The following FMN1 variants were observed in gnomAD, a reference collection of about 807,000 sequenced individuals.
The protein encoded by FMN1 is formin 1.
Under a neutral mutation model 132.4 loss-of-function variants are expected in FMN1, and 110 were observed. The ratio of observed to expected loss-of-function variants is 0.83; its 90% CI spans 0.71 to 0.97. FMN1 has a LOEUF of 0.97. Ranked by LOEUF, FMN1 falls within the 50% of genes least tolerant of loss-of-function variation. The pLI, the probability that FMN1 is intolerant of heterozygous loss-of-function variation, is 0.00. For missense variants in FMN1, 1,792 were observed against 1,705.3 expected, an observed-to-expected ratio of 1.05 and a Z score of -0.90; for synonymous variants, 722 against 651.7, an observed-to-expected ratio of 1.11 and a Z score of -1.64.
At chr15:33,106,991 C>T (rs1349221380) in intron 4 of FMN1, among the ~76,000 whole-genome samples, 1 of 152,056 alleles carries the variant, frequency 6.6e-6, no homozygotes, top group African/African-American at 2.4e-5. Flanking sequence ...CGCCCTATCT[C>T]ATACAGGCAC....
chr15:33,168,077 A>G (rs1011327111), intron 3 of FMN1, among the ~76,000 whole-genome samples: 1 of 152,190 alleles, frequency 6.6e-6, no homozygotes, highest in African/African-American at 2.4e-5. Flanking sequence ...GGTACTAATA[A>G]TTCTTCCATT....
chr15:32,908,693 C>T, intron 11 of FMN1, 115 bp from the exon 12 acceptor site: 1 of 638,962 alleles, frequency 1.6e-6, no homozygotes, highest in Non-Finnish European at 2.7e-6. Context: ...CTAGCAGCAT[C>T]AACAACATCA....
In FMN1 at chr15:33,065,064, C is replaced by G; in HGVS notation, c.2054G>C (p.Ser685Thr). The change falls in exon 6 of 21, where the codon AGC (serine) becomes ACC (threonine). Residue 685 changes from serine to threonine, a missense_variant. Transcript: ENST00000616417. ...AGTCCTGTCATCCTGCTCAGTCAGG[C>G]TGTGGTCAGGCTGTTGAAAGAGCAG... ...ELYLDLHPDHSLTEQDDRTPG... is the reference protein window; with the variant it reads ...ELYLDLHPDHTLTEQDDRTPG... 1 of 1,607,278 alleles carries G rather than the reference C, an allele frequency of 6.2e-7. No individual in the cohort carries two copies. The highest frequency in any genetic ancestry group is 8.5e-7 in the Non-Finnish European group (1 of 1,176,542).
intron 17 of FMN1, among the ~76,000 whole-genome samples, chr15:32,813,954 T>C (rs1258798): frequency 0.95 from 145,247 of 152,294 alleles, 69,396 homozygotes; most frequent in East Asian, 1. Flanking sequence ...GGTGGTATTT[T>C]GAAGCTGCAC....
chr15:33,067,522 C>T, intron 5 of FMN1: 1 of 1,613,948 alleles, frequency 6.2e-7, no homozygotes, highest in East Asian at 2.2e-5. Context: ...ACAGTGGAAG[C>T]AGCTCTTGAG....
At chr15:32,842,476 G>T (rs1041537311) in intron 17 of FMN1, among the ~76,000 whole-genome samples, 2 of 152,218 alleles carry the variant, frequency 1.3e-5, no homozygotes, top group African/African-American at 4.8e-5. Flanking sequence ...GTTTTGAGAT[G>T]GTTGGTTATG....
chr15:33,065,256 G>C (rs1021883079), intron 5 of FMN1, among the ~76,000 whole-genome samples, 182 bp from the exon 6 acceptor site: 6 of 151,986 alleles, frequency 3.9e-5, no homozygotes, highest in African/African-American at 1.5e-4. Context: ...AACGTGATCA[G>C]TTGAGGTGAA....
intron 6 of FMN1, among the ~76,000 whole-genome samples, chr15:33,032,393 T>C (rs1210867523): frequency 6.6e-6 from 1 of 152,230 alleles, no homozygotes; most frequent in Non-Finnish European, 1.5e-5. Context: ...AAACATTGAA[T>C]TTCTTAAATA....
chr15:33,126,198 A>T (rs1396235883), intron 4 of FMN1, among the ~76,000 whole-genome samples: 1 of 151,480 alleles, frequency 6.6e-6, no homozygotes, highest in African/African-American at 2.5e-5. Context: ...ATGGTGTGTT[A>T]TTAAGCACCA....
intron 4 of FMN1, among the ~76,000 whole-genome samples, chr15:33,141,994 T>C (rs1390904225): frequency 3.9e-5 from 6 of 152,156 alleles, no homozygotes; most frequent in Non-Finnish European, 8.8e-5. Flanking sequence ...GACATTGTGA[T>C]ACATGGGCTA....
intron 10 of FMN1, among the ~76,000 whole-genome samples, chr15:32,919,845 AATT>A (rs1465757004): frequency 6.6e-6 from 1 of 152,206 alleles, no homozygotes; most frequent in African/African-American, 2.4e-5. Flanking sequence ...GATTTCTGGC[AATT>A]ATTAAGGCAA....
chr15:32,875,685 C>G (rs181408244), intron 16 of FMN1, among the ~76,000 whole-genome samples: 1 of 152,338 alleles, frequency 6.6e-6, no homozygotes, highest in East Asian at 1.9e-4. Flanking sequence ...CTAAGGAGGT[C>G]TCCCTCTAAC....
intron 16 of FMN1, among the ~76,000 whole-genome samples, chr15:32,873,859 G>A (rs1193453651): frequency 6.6e-6 from 1 of 152,026 alleles, no homozygotes; most frequent in Non-Finnish European, 1.5e-5. Flanking sequence ...GGAGCGCAAG[G>A]AATTTGTCTC....
intron 6 of FMN1, among the ~76,000 whole-genome samples, chr15:33,033,669 GTTTT>G: frequency 1.7e-5 from 1 of 57,458 alleles, no homozygotes; most frequent in South Asian, 5.7e-4. Flanking sequence ...CTACCTCATG[GTTTT>G]TTTTTTTTGT....
intron 4 of FMN1, among the ~76,000 whole-genome samples, chr15:33,119,373 G>GGTAAA (rs1351309079): frequency 2.6e-5 from 4 of 152,278 alleles, no homozygotes; most frequent in African/African-American, 9.6e-5. Flanking sequence ...GGGAGCCTGT[G>GGTAAA]GTAAACATGA....
At chr15:33,173,085 G>A (rs533862484) in intron 3 of FMN1, among the ~76,000 whole-genome samples, 10 of 152,218 alleles carry the variant, frequency 6.6e-5, no homozygotes, top group Admixed American at 5.2e-4. Context: ...TGTATATCAT[G>A]GTGACCCCTG....
chr15:33,134,051 G>A (rs1315266012), intron 4 of FMN1, among the ~76,000 whole-genome samples: 1 of 152,062 alleles, frequency 6.6e-6, no homozygotes, highest in Non-Finnish European at 1.5e-5. Context: ...ACTCCCTCAG[G>A]TGATCTCCCA....
Position 33,154,911 on chromosome 15 carries a change from C to G in FMN1, c.4G>C (p.Glu2Gln), listed in dbSNP as rs529881403. ...AATTGGAGGGTACAATGAGTGCCTT[C>G]CATTATGCCTACCTAATTATTCATG... is the stretch of plus-strand genomic sequence containing the variant. The part of the protein sequence containing the change: M[E>Q]GTHCTLQLHK... The change falls in exon 4 of 21, where the codon GAA becomes CAA. Residue 2 changes from glutamate to glutamine, a missense_variant. By Grantham distance (29) the Glu-to-Gln change is conservative. Coordinates refer to ENST00000616417, the MANE Select transcript of FMN1 (RefSeq NM_001277313.2). The G allele has an allele frequency of 8.6e-5, 131 of 1,528,608 alleles. 1 individual carries two copies. In the African/African-American group the frequency reaches 1.4e-3, roughly 16 times the overall value. The allele number at this position is 1,528,608 out of a possible 1,614,324, so 94.7% of individuals were successfully genotyped here.
chr15:33,190,744 T>C (rs1007769119), intron 2 of FMN1, among the ~76,000 whole-genome samples: 1 of 152,156 alleles, frequency 6.6e-6, no homozygotes, highest in Non-Finnish European at 1.5e-5. Flanking sequence ...AGTACTAGTA[T>C]CCTGGCAGCA....
Sources: allele counts gnomAD v4.1 joint callset (sites outside exome capture counted in the v4.1 genomes callset), GRCh38; gene constraint gnomAD v4.1.1; transcripts MANE v1.5; gene names NCBI Gene and HGNC (gene_info 2026-07-23, HGNC 2026-07-21).